The following SDK2 variants were observed in gnomAD, a reference collection of about 807,000 sequenced individuals.
The protein encoded by SDK2 is sidekick cell adhesion molecule 2.
In SDK2, 105 loss-of-function variants were observed where a neutral mutation model predicts 253.9. The ratio of observed to expected loss-of-function variants is 0.41; its 90% CI spans 0.35 to 0.49. The LOEUF (loss-of-function observed/expected upper bound fraction) is 0.49. Among genes scored for constraint, SDK2 ranks in the 20% least tolerant of loss-of-function variants. The pLI, the probability that SDK2 is intolerant of heterozygous loss-of-function variation, is 0.06. For missense variants in SDK2, 2,608 were observed against 3,003.0 expected (o/e 0.87, Z 3.07); for synonymous variants, 1,249 against 1,234.9 (o/e 1.01, Z -0.24).
At chr17:73,358,266 C>A in intron 39 of SDK2, 62 bp from the exon 40 acceptor site, 1 of 1,542,776 alleles carries the variant, frequency 6.5e-7, no homozygotes, top group Non-Finnish European at 8.7e-7. Flanking sequence ...CAGCCCGTCA[C>A]CCTGGGCTCG....
chr17:73,483,693 ATATATATATATATATTT>A (rs1412117113), intron 2 of SDK2, among the ~76,000 whole-genome samples: 12 of 65,628 alleles, frequency 1.8e-4, no homozygotes, highest in African/African-American at 6.8e-4. Context: ...TTATATATAT[ATATATATATATATATTT>A]TTTTTTTTTT....
chr17:73,425,679 G>A (rs1434869511), intron 12 of SDK2, among the ~76,000 whole-genome samples: 1 of 152,174 alleles, frequency 6.6e-6, no homozygotes, highest in African/African-American at 2.4e-5. Context: ...GACTAATTTT[G>A]TATTTTTAGT....
chr17:73,503,603 A>C (rs1599628209), intron 2 of SDK2, among the ~76,000 whole-genome samples: 1 of 152,184 alleles, frequency 6.6e-6, no homozygotes. Context: ...AGAAAGAAGC[A>C]CCTGCTATGA....
chr17:73,597,965 C>T lies in SDK2; in HGVS notation c.64+46060G>A, dbSNP rs115343599. On this transcript the variant is annotated intron_variant, in intron 1 of 44. Transcript: ENST00000392650. ...TGGCCTATTTCATTTTTATGATACC[C>T]CTACAAGGTGAAATATTCCCTTTCT... is the stretch of plus-strand genomic sequence containing the variant. Among the ~76,000 whole-genome samples, 1,249 of 152,224 alleles carry T rather than the reference C, an allele frequency of 8.2e-3. 22 individuals carry two copies. Among genetic ancestry groups the T allele is most frequent in the African/African-American group, 0.029 (1,195 of 41,524 alleles).
rs1246544283 is a variant in SDK2 at position 73,596,789 on chromosome 17, C to T, written c.64+47236G>A. Among the ~76,000 whole-genome samples the T allele has an allele frequency of 3.3e-5, 5 of 152,210 alleles. No homozygotes were observed. The South Asian group carries it at 8.3e-4, about 25-fold the overall frequency. On this transcript the variant is annotated intron_variant, in intron 1 of 44. Transcript: ENST00000392650. ...GCTCTCATCCTCCCTCCATGGCCTCCAGATGACAAGTCCCTGGGGATAGCT... is the reference window on the plus strand; with the variant it reads ...GCTCTCATCCTCCCTCCATGGCCTCTAGATGACAAGTCCCTGGGGATAGCT...
chr17:73,377,344 A>C (rs1034648891), intron 36 of SDK2, among the ~76,000 whole-genome samples: 6 of 146,378 alleles, frequency 4.1e-5, no homozygotes, highest in African/African-American at 1.5e-4. Context: ...TCAGCCTCCC[A>C]AATAGCTGGG....
rs2062365112 is a variant in SDK2, at chr17:73,334,697, A to G, written c.*3890T>C. ...GCTTTTGGTTATTCTGATGGAAACA[A>G]AGAGAAGGGGGGTGGTCCCGAGGGG... On this transcript the variant is annotated 3_prime_UTR_variant, in exon 45 of 45. Coordinates refer to ENST00000392650, the MANE Select transcript of SDK2 (RefSeq NM_001144952.2). The G allele has an allele frequency of 6.6e-6, 1 of 152,254 alleles. No individual in the cohort carries two copies. Among genetic ancestry groups the G allele is most frequent in the Admixed American group, 6.5e-5 (1 of 15,282 alleles). The allele number at this position is 152,254 out of a possible 1,614,324, so 9.4% of individuals were successfully genotyped here. A position where few individuals can be genotyped will look rare whatever the true frequency, so the allele number is the denominator to read the frequency against.
rs2062816209 is a variant in SDK2 at position 73,379,818 on chromosome 17, A to AG, written c.4763-270_4763-269insC. Among the ~76,000 whole-genome samples, 1 of 144,614 alleles carries AG rather than the reference A, an allele frequency of 6.9e-6. No individual in the cohort carries two copies. Among genetic ancestry groups the AG allele is most frequent in the Non-Finnish European group, 1.5e-5 (1 of 65,208 alleles). The allele number at this position is 144,614 out of a possible 152,430, so 94.9% of individuals were successfully genotyped here. ...TCAACTGGACACTTTTGAGACTGAAACCACTATGAATATTTACACCGGGAC... is the reference window on the plus strand; with the variant it reads ...TCAACTGGACACTTTTGAGACTGAAAGCCACTATGAATATTTACACCGGGAC... On this transcript the variant is annotated intron_variant, in intron 34 of 44. Transcript: ENST00000392650. This position sits in a 1 kb window ranked among gnomAD's most constrained non-coding sequence, Gnocchi z 4.5.
chr17:73,448,498 A>G (rs144326950), intron 4 of SDK2, among the ~76,000 whole-genome samples: 2,645 of 150,152 alleles, frequency 0.018, 113 homozygotes, highest in Admixed American at 0.1. Flanking sequence ...CCGAGTAGCT[A>G]GGACTACAGG....
intron 2 of SDK2, among the ~76,000 whole-genome samples, chr17:73,489,538 T>G (rs952827164): frequency 2.6e-5 from 4 of 152,230 alleles, no homozygotes; most frequent in Non-Finnish European, 4.4e-5. Context: ...CGCTGAGTCC[T>G]GCTCTCTGGG....
chr17:73,587,413 C>G (rs929552040), intron 1 of SDK2, among the ~76,000 whole-genome samples: 14 of 152,222 alleles, frequency 9.2e-5, no homozygotes, highest in African/African-American at 3.1e-4. Flanking sequence ...AACTGGGGCG[C>G]CCTCTGGCAC....
intron 36 of SDK2, among the ~76,000 whole-genome samples, chr17:73,375,621 G>A (rs1319470449): frequency 3.3e-5 from 5 of 152,198 alleles, no homozygotes; most frequent in Non-Finnish European, 7.3e-5. Context: ...CAATTTGGGA[G>A]ACCGAGGGCG....
intron 5 of SDK2, 54 bp from the exon 6 acceptor site, chr17:73,440,977 C>T: frequency 7.5e-7 from 1 of 1,338,506 alleles, no homozygotes; most frequent in Non-Finnish European, 1.0e-6. Flanking sequence ...CTATCCCTGC[C>T]CAGCCTCATT....
chr17:73,374,745 G>A (rs1243270620), intron 36 of SDK2, among the ~76,000 whole-genome samples: 1 of 152,114 alleles, frequency 6.6e-6, no homozygotes, highest in Non-Finnish European at 1.5e-5. Flanking sequence ...TGGGATTACA[G>A]GTGTGAGCCA....
intron 1 of SDK2, among the ~76,000 whole-genome samples, chr17:73,607,744 C>A (rs901331047): frequency 1.3e-5 from 2 of 151,990 alleles, no homozygotes; most frequent in African/African-American, 4.8e-5. Flanking sequence ...AACAGAGAGT[C>A]GGATCTCGGG....
intron 3 of SDK2, among the ~76,000 whole-genome samples, chr17:73,460,069 G>T (rs2063553480): frequency 6.6e-6 from 1 of 152,084 alleles, no homozygotes; most frequent in South Asian, 2.1e-4. Context: ...TTGAATCTAG[G>T]GACCTTGTGA....
At chr17:73,591,961 C>T (rs2045688128) in intron 1 of SDK2, among the ~76,000 whole-genome samples, 1 of 152,288 alleles carries the variant, frequency 6.6e-6, no homozygotes, top group African/African-American at 2.4e-5. Flanking sequence ...CAAGAGCACA[C>T]CCAGCCTCTC....
intron 1 of SDK2, among the ~76,000 whole-genome samples, chr17:73,569,922 G>T (rs1041835908): frequency 6.6e-6 from 1 of 152,134 alleles, no homozygotes; most frequent in Non-Finnish European, 1.5e-5. Context: ...AGATATGGGG[G>T]TGATAAAAGC....
rs1206848703 is a variant in SDK2 at position 73,335,604 on chromosome 17, G to A, written c.*2983C>T. The A allele has an allele frequency of 2.0e-5, 3 of 152,260 alleles. No individual in the cohort carries two copies. Among genetic ancestry groups the A allele is most frequent in the African/African-American group, 7.2e-5 (3 of 41,438 alleles). 9.4% of individuals were successfully genotyped at this position (152,260 alleles called of 1,614,324 possible). The stretch of plus-strand genomic sequence containing the variant: ...GCTGCAGGCCTGGGCTTCCAGCTGT[G>A]GCTGGGGCTGTGGAGACAATATTCC... On this transcript the variant is annotated 3_prime_UTR_variant, in exon 45 of 45. Transcript: ENST00000392650.
Sources: gnomAD v4.1 joint callset for allele counts (sites outside exome capture counted in the v4.1 genomes callset) on GRCh38, gnomAD v4.1.1 for gene constraint, Gnocchi (gnomAD v3.1) non-coding constraint, MANE v1.5 for transcripts, NCBI Gene and HGNC (gene_info 2026-07-23, HGNC 2026-07-21) for gene names.